Variants in DZIP3 observed in about 807,000 individuals in gnomAD.
The protein encoded by DZIP3 is DAZ interacting zinc finger protein 3.
In DZIP3, 118 loss-of-function variants were observed where a neutral mutation model predicts 162.0. The ratio of observed to expected loss-of-function variants is 0.73; its 90% CI spans 0.63 to 0.85. The LOEUF is 0.85. Among genes scored for constraint, DZIP3 ranks in the 40% least tolerant of loss-of-function variants. The pLI, the probability that DZIP3 is intolerant of heterozygous loss-of-function variation, is 0.00. For missense variants in DZIP3, 1,331 were observed against 1,407.0 expected (o/e 0.95, Z 0.86); for synonymous variants, 438 against 458.6 (o/e 0.96, Z 0.57).
chr3:108,651,437 A>C (rs906372873), intron 18 of DZIP3, among the ~76,000 whole-genome samples: 1 of 151,672 alleles, frequency 6.6e-6, no homozygotes, highest in African/African-American at 2.4e-5. Context: ...TATAGTCTAC[A>C]TTGTAGTTAC....
At chr3:108,640,266 T>A (rs1448347912) in intron 12 of DZIP3, among the ~76,000 whole-genome samples, 2 of 152,166 alleles carry the variant, frequency 1.3e-5, no homozygotes, top group Non-Finnish European at 2.9e-5. Flanking sequence ...ATGTCATTTT[T>A]GATTATTTAC....
intron 8 of DZIP3, among the ~76,000 whole-genome samples, chr3:108,632,081 C>G (rs1576387793): frequency 6.6e-6 from 1 of 152,022 alleles, no homozygotes; most frequent in South Asian, 2.1e-4. Flanking sequence ...ATCATATATA[C>G]CTTCAATACA....
intron 24 of DZIP3, among the ~76,000 whole-genome samples, chr3:108,674,895 A>G (rs1369806791): frequency 2.6e-5 from 4 of 151,970 alleles, no homozygotes. Flanking sequence ...ATTCTAAAGA[A>G]TCAGAGTCTT....
chr3:108,624,618 G>T, intron 6 of DZIP3, 94 bp downstream of exon 6: 11 of 619,850 alleles, frequency 1.8e-5, no homozygotes, highest in South Asian at 5.6e-5. Flanking sequence ...TATTAAAAAA[G>T]GAAACTTAAT....
rs182905208 is a variant in DZIP3 at position 108,655,925 on chromosome 3, A to G, written c.2199+1615A>G. ...TAGCACAGCAGTCTGAGCAAACTGC[A>G]TGGTGGCAGCGAGGCTAGGGGAGGG... On this transcript the variant is annotated intron_variant, in intron 19 of 32. Transcript: ENST00000361582. Among the ~76,000 whole-genome samples, 369 of 151,630 alleles carry G rather than the reference A, an allele frequency of 2.4e-3. 1 individual carries two copies. The highest frequency in any genetic ancestry group is 0.014 in the Middle Eastern group (4 of 294).
chr3:108,685,915 G>A (rs1944482314), intron 27 of DZIP3, among the ~76,000 whole-genome samples: 1 of 152,048 alleles, frequency 6.6e-6, no homozygotes, highest in East Asian at 1.9e-4. Flanking sequence ...GTAAAAGGAA[G>A]TCGTATCATA....
chr3:108,675,333 C>A (rs1441329902), intron 24 of DZIP3, among the ~76,000 whole-genome samples: 1 of 151,962 alleles, frequency 6.6e-6, no homozygotes, highest in African/African-American at 2.4e-5. Flanking sequence ...GAGACAGTAT[C>A]TTTTTCTAAT....
Position 108,688,003 on chromosome 3 carries a change from A to G in DZIP3, c.3177A>G (p.Lys1059=), listed in dbSNP as rs748379192. 1.9e-6 allele frequency: 3 copies of G among 1,613,652 alleles called. No individual in the cohort carries two copies. The highest frequency in any genetic ancestry group is 2.5e-6 in the Non-Finnish European group (3 of 1,179,786). ...TRKELTDFLR[K]LKDAYGKSLS... ...AGGAACTTACAGATTTCTTACGGAA[A>G]TTGAAGGATGCTTATGGAAAATCCT... is the stretch of plus-strand genomic sequence containing the variant. The change falls in exon 29 of 33, where the codon AAA becomes AAG. Residue 1059 remains lysine (K), a synonymous_variant. Transcript: ENST00000361582.
Position 108,642,551 on chromosome 3 carries a change from T to A in DZIP3, c.1141+37T>A, listed in dbSNP as rs754521743. The A allele has an allele frequency of 2.1e-6, 3 of 1,411,384 alleles. No homozygotes were observed. In the South Asian group the frequency reaches 4.0e-5, roughly 19 times the overall value. 87.4% of individuals were successfully genotyped at this position (1,411,384 alleles called of 1,614,324 possible). ...TTTTTATATGCCTTCTGTTGAAAAG[T>A]ATGTTAAAATTTTTGACTTCTCTGT... On this transcript the variant is annotated intron_variant, in intron 13 of 32. Transcript: ENST00000361582.
At chr3:108,643,502 A>T (rs1942487686) in intron 13 of DZIP3, among the ~76,000 whole-genome samples, 1 of 151,556 alleles carries the variant, frequency 6.6e-6, no homozygotes, top group African/African-American at 2.4e-5. Flanking sequence ...GTGCTTTCCT[A>T]ACAGGCTTTC....
At chr3:108,614,550 A>G (rs1940895958) in intron 4 of DZIP3, among the ~76,000 whole-genome samples, 1 of 152,116 alleles carries the variant, frequency 6.6e-6, no homozygotes. Flanking sequence ...CCCCATACCA[A>G]TTGGACCCTA....
chr3:108,658,116 AACT>A (rs1943231013), intron 19 of DZIP3, among the ~76,000 whole-genome samples: 6 of 152,186 alleles, frequency 3.9e-5, no homozygotes, highest in Admixed American at 6.5e-5. Flanking sequence ...CCAGGAATTG[AACT>A]CAGCTCTGCA....
rs983223188 is a variant in DZIP3 at position 108,624,304 on chromosome 3, T to C, written c.376-140T>C. ...ATATATCTAAAATACATTATCGTTA[T>C]TATTAGATGACTGATAATGTTTTGA... On this transcript the variant is annotated intron_variant, in intron 5 of 32. Coordinates refer to ENST00000361582, the MANE Select transcript of DZIP3 (RefSeq NM_014648.4). 8 of 562,164 alleles carry C rather than the reference T, an allele frequency of 1.4e-5. No individual in the cohort carries two copies. In the African/African-American group the frequency reaches 1.6e-4, roughly 11 times the overall value. 34.8% of individuals were successfully genotyped at this position (562,164 alleles called of 1,614,324 possible).
At chr3:108,598,647 T>C (rs147800842) in intron 1 of DZIP3, among the ~76,000 whole-genome samples, 2 of 152,298 alleles carry the variant, frequency 1.3e-5, no homozygotes, top group Admixed American at 6.5e-5. Flanking sequence ...GGCAAGTACA[T>C]GAAAGAAGTA....
upstream of DZIP3, chr3:108,589,569 G>C: frequency 2.0e-6 from 1 of 488,782 alleles, no homozygotes; most frequent in East Asian, 3.5e-5. Flanking sequence ...CAGGGGTCGA[G>C]GTGATTTGTG....
At chr3:108,663,258 T>C (rs1014312079) in intron 21 of DZIP3, among the ~76,000 whole-genome samples, 1 of 152,116 alleles carries the variant, frequency 6.6e-6, no homozygotes, top group African/African-American at 2.4e-5. Flanking sequence ...TGCAATCACT[T>C]AAGAAACTTT....
rs1224054319 is a variant in DZIP3, at chr3:108,646,625, C to T, written c.1768C>T (p.Leu590=). The T allele has an allele frequency of 1.3e-6, 2 of 1,569,576 alleles. No individual in the cohort carries two copies. The highest frequency in any genetic ancestry group is 1.7e-6 in the Non-Finnish European group (2 of 1,159,448). The change falls in exon 15 of 33, where the codon CTA becomes TTA. Residue 590 remains leucine (L), a synonymous_variant. Coordinates refer to ENST00000361582, the MANE Select transcript of DZIP3 (RefSeq NM_014648.4). The part of the protein sequence containing the change: ...MLSCYQQGIA[L]QSITGSQRIE... ...TTCTTTATGTATTATAGGAATTGCT[C>T]TACAGTCAATAACAGGCAGTCAGCG...
chr3:108,626,783 GA>G (rs1193542266), intron 7 of DZIP3, among the ~76,000 whole-genome samples: 2 of 152,214 alleles, frequency 1.3e-5, no homozygotes, highest in Non-Finnish European at 2.9e-5. Flanking sequence ...AGTTATGAAG[GA>G]AACTAGAGTG....
chr3:108,639,027 T>C (rs772053140), intron 12 of DZIP3, among the ~76,000 whole-genome samples: 6 of 152,226 alleles, frequency 3.9e-5, no homozygotes, highest in African/African-American at 7.2e-5. Flanking sequence ...AGTTATCACA[T>C]TGAAGTATAT....
Sources: allele counts gnomAD v4.1 joint callset (sites outside exome capture counted in the v4.1 genomes callset), GRCh38; gene constraint gnomAD v4.1.1; transcripts MANE v1.5; gene names NCBI Gene and HGNC (gene_info 2026-07-23, HGNC 2026-07-21).